The following ZNF518A variants were observed in gnomAD, a reference collection of about 807,000 sequenced individuals.
ZNF518A encodes zinc finger protein 518A, also known as zinc finger protein 518.
Under a neutral mutation model 102.7 loss-of-function variants are expected in ZNF518A, and 47 were observed. The ratio of observed to expected loss-of-function variants is 0.46; its 90% CI spans 0.36 to 0.58. The LOEUF is 0.58. ZNF518A is among the 20% of genes least tolerant of loss of function. ZNF518A has a pLI of 0.00. For missense variants in ZNF518A, 1,793 were observed against 1,699.8 expected, an observed-to-expected ratio of 1.05 and a Z score of -0.96; for synonymous variants, 652 against 594.6, an observed-to-expected ratio of 1.10 and a Z score of -1.40.
At chr10:96,129,718 G>A (rs1210409505), upstream of ZNF518A, 1 of 152,288 alleles carries the variant, frequency 6.6e-6, no homozygotes, top group Admixed American at 6.5e-5. Context: ...TCAGGGTGGA[G>A]ACCATTCCCA....
downstream of ZNF518A, chr10:96,204,238 C>T (rs782359501): frequency 1.5e-5 from 13 of 885,674 alleles, no homozygotes; most frequent in African/African-American, 6.7e-5. Flanking sequence ...AAAAGAGCCA[C>T]CAAAACCTTA....
Position 96,200,933 on chromosome 10 carries a change from C to T in ZNF518A, n.36-2641C>T. On this transcript the variant is annotated intron_variant and non_coding_transcript_variant, in intron 1 of 2. Transcript: ENST00000442635. The surrounding 1 kb of genome is among the most constrained non-coding windows in gnomAD (Gnocchi z 4.3). ...TTCTTCTCAGAAGACATGCTCTTTC[C>T]TGCAGTTTCCTGGTAACAATTTAGT... 6.6e-7 allele frequency: 1 copy of T among 1,519,858 alleles called. No individual in the cohort carries two copies. The highest frequency in any genetic ancestry group is 1.1e-5 in the South Asian group (1 of 89,172). 94.1% of individuals were successfully genotyped at this position (1,519,858 alleles called of 1,614,324 possible). A position where few individuals can be genotyped will look rare whatever the true frequency, so the allele number is the denominator to read the frequency against.
intron 1 of ZNF518A, chr10:96,130,972 G>C (rs1253758611): frequency 6.6e-6 from 1 of 152,222 alleles, no homozygotes; most frequent in Non-Finnish European, 1.5e-5. Flanking sequence ...CGATCAAACA[G>C]ATGTAGCTTT....
rs782749675 is a variant in ZNF518A at position 96,157,336 on chromosome 10, CAG to C, written c.1016_1017del (p.Arg339LysfsTer10). ...GTAAGAAAATTAACAGTGGAAGTGA[CAG>C]AAGTATAGAAAAGAACACTCAAGTG... ...KRKKINSGSD[R>X]SIEKNTQVLK... On this transcript the variant is annotated frameshift_variant, in exon 6 of 6. Coordinates refer to ENST00000316045, the MANE Select transcript of ZNF518A (RefSeq NM_001330736.2). LOFTEE classifies it high-confidence loss of function. The C allele has an allele frequency of 6.2e-7, 1 of 1,611,020 alleles. No homozygotes were observed. The highest frequency in any genetic ancestry group is 8.5e-7 in the Non-Finnish European group (1 of 1,178,494).
At chr10:96,137,219 C>T (rs2081643008) in intron 3 of ZNF518A, among the ~76,000 whole-genome samples, 1 of 151,404 alleles carries the variant, frequency 6.6e-6, no homozygotes, top group African/African-American at 2.4e-5. Context: ...CCGTTCTAAC[C>T]TGAAGGACTT....
intron 1 of ZNF518A, among the ~76,000 whole-genome samples, chr10:96,187,158 A>G (rs782454958): frequency 6.6e-6 from 1 of 152,268 alleles, no homozygotes; most frequent in Non-Finnish European, 1.5e-5. Flanking sequence ...CTAATACACA[A>G]TTATAATTAC....
chr10:96,169,420 C>T lies in ZNF518A; in HGVS notation n.35+13373C>T, dbSNP rs184391298. On this transcript the variant is annotated intron_variant and non_coding_transcript_variant, in intron 1 of 2. Coordinates refer to the ZNF518A transcript ENST00000442635. The stretch of plus-strand genomic sequence containing the variant: ...TGATCAATCTTAGAGTTCACAGATT[C>T]TTTGTTTTGCTAGCTTACATCTGCT... 1.1e-4 allele frequency among the ~76,000 whole-genome samples: 16 copies of T among 152,270 alleles called. No homozygotes were observed. In the East Asian group the frequency reaches 2.9e-3, roughly 28 times the overall value.
chr10:96,146,156 A>G (rs1554878431), intron 3 of ZNF518A, among the ~76,000 whole-genome samples: 1 of 152,146 alleles, frequency 6.6e-6, no homozygotes, highest in East Asian at 1.9e-4. Flanking sequence ...ATGTGAGTTT[A>G]CAGTATTGGT....
intron 4 of ZNF518A, 153 bp from the exon 5 acceptor site, chr10:96,155,770 GA>G (rs1273678028): frequency 6.6e-6 from 1 of 152,196 alleles, no homozygotes. Context: ...CTAAGCAAAT[GA>G]AAAAGTTAAT....
intron 1 of ZNF518A, among the ~76,000 whole-genome samples, chr10:96,172,115 G>C (rs186811036): frequency 1.3e-5 from 2 of 152,050 alleles, no homozygotes; most frequent in African/African-American, 4.8e-5. Context: ...AATACTAAAA[G>C]TTCTTAAGAC....
intron 1 of ZNF518A, among the ~76,000 whole-genome samples, chr10:96,198,289 C>G (rs1305377911): frequency 2.0e-5 from 3 of 152,032 alleles, no homozygotes; most frequent in Admixed American, 6.6e-5. Context: ...AAAAAAGATC[C>G]AAAACGCATG....
intron 1 of ZNF518A, chr10:96,189,269 C>T (rs2083293307): frequency 2.4e-6 from 1 of 411,406 alleles, no homozygotes; most frequent in South Asian, 2.1e-5. Flanking sequence ...GGAAAGTTCT[C>T]ACTCTGCATT....
rs377377248 is a variant in ZNF518A, at chr10:96,170,794, C to T, written n.35+14747C>T. On this transcript the variant is annotated intron_variant and non_coding_transcript_variant, in intron 1 of 2. Transcript: ENST00000442635. Reference sequence around the variant, plus strand: ...GGATATCATCAAGAAAGTGAAAAGACAACCCACAGATTGGGAAGAAATGTT... The same window carrying T: ...GGATATCATCAAGAAAGTGAAAAGATAACCCACAGATTGGGAAGAAATGTT... Among the ~76,000 whole-genome samples the T allele has an allele frequency of 9.2e-5, 14 of 152,196 alleles. No homozygotes were observed. In the South Asian group the frequency reaches 2.7e-3, roughly 29 times the overall value.
downstream of ZNF518A, among the ~76,000 whole-genome samples, chr10:96,165,047 G>A (rs1554889838): frequency 6.6e-6 from 1 of 152,224 alleles, no homozygotes; most frequent in African/African-American, 2.4e-5. Flanking sequence ...TATCTTGGAA[G>A]TTTAAAGGAG....
intron 1 of ZNF518A, among the ~76,000 whole-genome samples, chr10:96,185,750 T>G (rs2133897145): frequency 6.6e-6 from 1 of 152,266 alleles, no homozygotes; most frequent in Admixed American, 6.5e-5. Context: ...GTCTCCCAGT[T>G]AGGCTACACA....
chr10:96,201,160 C>A, intron 1 of ZNF518A: 21 of 1,059,104 alleles, frequency 2.0e-5, no homozygotes, highest in Middle Eastern at 4.2e-4. Flanking sequence ...GGGACACATC[C>A]ACCAAAAAAA....
Position 96,160,100 on chromosome 10 carries a change from A to G in ZNF518A, c.3778A>G (p.Thr1260Ala), listed in dbSNP as rs1554886877. 1.2e-6 allele frequency: 2 copies of G among 1,610,040 alleles called. No homozygotes were observed. Among genetic ancestry groups the G allele is most frequent in the Non-Finnish European group, 1.7e-6 (2 of 1,178,916 alleles). The change falls in exon 6 of 6, where the codon ACT becomes GCT. Residue 1260 changes from threonine (T) to alanine (A), a missense_variant. By Grantham distance (58) the Thr-to-Ala change is moderately conservative (BLOSUM62 0). Around this residue, in one of 3 missense-constraint regions of ZNF518A, gnomAD observed 1,741 missense variants for 1,622.6 expected, o/e 1.07. Coordinates refer to ENST00000316045, the MANE Select transcript of ZNF518A (RefSeq NM_001330736.2). ...CAAAAAAATTTTTTCAAAAACAAAA[A>G]CTCATGGAAGTAAAGACTCTGAAAC... ...TSKKIFSKTK[T>A]HGSKDSETAF...
intron 1 of ZNF518A, among the ~76,000 whole-genome samples, chr10:96,192,394 G>A (rs1208955738): frequency 3.3e-5 from 5 of 152,120 alleles, no homozygotes; most frequent in Non-Finnish European, 7.4e-5. Flanking sequence ...ACCGTTAAAT[G>A]TAAAACTATC....
At chr10:96,183,170 C>A (rs961441699) in intron 1 of ZNF518A, among the ~76,000 whole-genome samples, 13 of 151,572 alleles carry the variant, frequency 8.6e-5, no homozygotes, top group African/African-American at 3.2e-4. Flanking sequence ...TGGTGATATC[C>A]CCTTTATCAT....
Sources: gnomAD v4.1 joint callset for allele counts (sites outside exome capture counted in the v4.1 genomes callset) on GRCh38, gnomAD v4.1.1 for gene constraint, gnomAD v4.1.1 regional missense constraint, Gnocchi (gnomAD v3.1) non-coding constraint, MANE v1.5 for transcripts, NCBI Gene and HGNC (gene_info 2026-07-23, HGNC 2026-07-21) for gene names.